Variants in FAM171A1 observed in about 807,000 individuals in gnomAD.
FAM171A1 encodes protein FAM171A1.
Under a neutral mutation model 74.9 loss-of-function variants are expected in FAM171A1, and 23 were observed. That is an observed-to-expected ratio of 0.31 (90% CI 0.22 to 0.44). The LOEUF (loss-of-function observed/expected upper bound fraction) is 0.44. FAM171A1 is among the 20% of genes least tolerant of loss of function. The pLI is 1.00. For synonymous variants in FAM171A1, 527 were observed against 505.7 expected (o/e 1.04, Z -0.57); for missense variants, 1,162 against 1,159.2 (o/e 1.00, Z -0.03).
chr10:15,330,861 T>C (rs1835621125), intron 1 of FAM171A1, among the ~76,000 whole-genome samples: 1 of 150,362 alleles, frequency 6.7e-6, no homozygotes. Context: ...GGGATTAAAG[T>C]CATGTGCCAC....
intron 1 of FAM171A1, among the ~76,000 whole-genome samples, chr10:15,352,891 T>C (rs1258201866): frequency 6.6e-6 from 1 of 152,234 alleles, no homozygotes; most frequent in Admixed American, 6.5e-5. Context: ...CATAAAACTA[T>C]GCACTGAGCA....
intron 1 of FAM171A1, among the ~76,000 whole-genome samples, chr10:15,296,610 G>C (rs1761611076): frequency 6.6e-6 from 1 of 152,162 alleles, no homozygotes; most frequent in Non-Finnish European, 1.5e-5. Flanking sequence ...CTGGGCACTA[G>C]AACCCCCCCT....
intron 1 of FAM171A1, among the ~76,000 whole-genome samples, chr10:15,343,576 G>A (rs1835788420): frequency 6.6e-6 from 1 of 152,200 alleles, no homozygotes; most frequent in Admixed American, 6.5e-5. Context: ...TTTAGGAAGA[G>A]TGAAAATGAC....
At chr10:15,324,700 C>T (rs999918875) in intron 1 of FAM171A1, among the ~76,000 whole-genome samples, 62 of 151,240 alleles carry the variant, frequency 4.1e-4, no homozygotes, top group African/African-American at 1.5e-3. Context: ...TAACCACCAG[C>T]GTGGATTAAA....
chr10:15,348,297 G>A (rs529492368), intron 1 of FAM171A1, among the ~76,000 whole-genome samples: 19 of 150,918 alleles, frequency 1.3e-4, no homozygotes, highest in African/African-American at 4.4e-4. Flanking sequence ...CATTTTCTAG[G>A]TAGCCTTTTT....
At chr10:15,365,234 G>A (rs967001829) in intron 1 of FAM171A1, among the ~76,000 whole-genome samples, 2 of 152,276 alleles carry the variant, frequency 1.3e-5, no homozygotes, top group Non-Finnish European at 1.5e-5. Context: ...GGGAAGGGAC[G>A]TAAGCAGACA....
intron 1 of FAM171A1, among the ~76,000 whole-genome samples, chr10:15,314,130 C>A (rs760491771): frequency 1.3e-5 from 2 of 152,174 alleles, no homozygotes; most frequent in African/African-American, 2.4e-5. Flanking sequence ...TCTGGTCATG[C>A]GGTATCTGGT....
intron 1 of FAM171A1, among the ~76,000 whole-genome samples, chr10:15,316,469 C>T (rs1466636069): frequency 6.6e-6 from 1 of 152,194 alleles, no homozygotes; most frequent in African/African-American, 2.4e-5. Flanking sequence ...GAGCATTCCT[C>T]GGGGTGAGTC....
In FAM171A1 at chr10:15,212,745, T is replaced by G. The variant is rs923018711; in HGVS notation, c.*170A>C. ...CAAAGTCATCCTTTATTCCGAGTAA[T>G]AACTTTAATTCCTTTCTAACATTTA... On this transcript the variant is annotated 3_prime_UTR_variant, in exon 8 of 8. Transcript: ENST00000378116. The G allele has an allele frequency of 1.1e-6, 1 of 944,278 alleles. No individual in the cohort carries two copies. Among genetic ancestry groups the G allele is most frequent in the South Asian group, 1.7e-5 (1 of 59,104 alleles). 58.5% of individuals were successfully genotyped at this position (944,278 alleles called of 1,614,324 possible).
intron 1 of FAM171A1, among the ~76,000 whole-genome samples, chr10:15,293,032 T>C (rs1163552463): frequency 7.2e-5 from 11 of 152,200 alleles, no homozygotes; most frequent in South Asian, 6.2e-4. Context: ...ATGCGTGACA[T>C]TGATTAATTA....
chr10:15,359,302 GCA>G (rs761750733), intron 1 of FAM171A1, among the ~76,000 whole-genome samples: 1 of 152,186 alleles, frequency 6.6e-6, no homozygotes, highest in Non-Finnish European at 1.5e-5. Context: ...TACAAAAACA[GCA>G]CCACTTTAGA....
intron 5 of FAM171A1, among the ~76,000 whole-genome samples, chr10:15,238,902 C>A (rs1295447070): frequency 6.6e-6 from 1 of 152,130 alleles, no homozygotes; most frequent in Non-Finnish European, 1.5e-5. Context: ...TGAGAGTATC[C>A]AAATCATATA....
chr10:15,277,800 A>G (rs1312360676), intron 2 of FAM171A1, among the ~76,000 whole-genome samples: 1 of 151,862 alleles, frequency 6.6e-6, no homozygotes, highest in Non-Finnish European at 1.5e-5. Flanking sequence ...CTTGCTACCC[A>G]GGCTGGAGTG....
intron 5 of FAM171A1, among the ~76,000 whole-genome samples, chr10:15,239,223 A>G (rs1451164570): frequency 6.6e-6 from 1 of 152,250 alleles, no homozygotes; most frequent in Non-Finnish European, 1.5e-5. Flanking sequence ...TTCCTTTGAC[A>G]GACATGGGAA....
At chr10:15,271,227 AC>A (rs1834820607) in intron 3 of FAM171A1, among the ~76,000 whole-genome samples, 6 of 152,220 alleles carry the variant, frequency 3.9e-5, no homozygotes, top group African/African-American at 1.4e-4. Flanking sequence ...CACAAGAACT[AC>A]GTGACACATG....
intron 1 of FAM171A1, among the ~76,000 whole-genome samples, chr10:15,319,090 G>A (rs1196326419): frequency 1.3e-5 from 2 of 152,216 alleles, no homozygotes; most frequent in Non-Finnish European, 2.9e-5. Flanking sequence ...TGAGTTGCAG[G>A]TGACACGTCT....
At chr10:15,233,311 A>C (rs1399155736) in intron 5 of FAM171A1, among the ~76,000 whole-genome samples, 6 of 152,048 alleles carry the variant, frequency 3.9e-5, no homozygotes, top group African/African-American at 1.4e-4. Context: ...AAACAAAAAC[A>C]AAAACAAAAA....
chr10:15,370,897 C>A, intron 1 of FAM171A1, 59 bp downstream of exon 1: 1 of 861,118 alleles, frequency 1.2e-6, no homozygotes, highest in Admixed American at 6.2e-5. Context: ...CCGCCGCCGC[C>A]GCCTCCGCGC....
chr10:15,333,188 G>C lies in FAM171A1; in HGVS notation c.97+37768C>G, dbSNP rs114417181. Among the ~76,000 whole-genome samples the C allele has an allele frequency of 4.3e-3, 648 of 152,246 alleles. 6 individuals are homozygous for C. Among genetic ancestry groups the C allele is most frequent in the African/African-American group, 0.015 (624 of 41,570 alleles). ...TCTAGCGTTTGGGTCCTGGGAACTG[G>C]GGCTGCTTTAAAAACTCTTTCTGGG... On this transcript the variant is annotated intron_variant, in intron 1 of 7. Coordinates refer to ENST00000378116, the MANE Select transcript of FAM171A1 (RefSeq NM_001010924.2).
Sources: allele counts gnomAD v4.1 joint callset (sites outside exome capture counted in the v4.1 genomes callset), GRCh38; gene constraint gnomAD v4.1.1; transcripts MANE v1.5; gene names NCBI Gene and HGNC (gene_info 2026-07-23, HGNC 2026-07-21).